ALDH9A1: variants seen among roughly 807,000 people sequenced by gnomAD.
ALDH9A1 encodes aldehyde dehydrogenase 9 family member A1.
A neutral mutation model predicts 56.6 loss-of-function variants in ALDH9A1; 42 were observed. The observed-to-expected ratio is 0.74, with a 90% CI of 0.58 to 0.96. The LOEUF (loss-of-function observed/expected upper bound fraction) is 0.96, where lower values mean the gene tolerates loss of function less well. Among genes scored for constraint, ALDH9A1 ranks in the 40% least tolerant of loss-of-function variants. The pLI is 0.00. For synonymous variants in ALDH9A1, 242 were observed against 236.0 expected (o/e 1.03, Z -0.23); for missense variants, 661 against 651.5 (o/e 1.01, Z -0.16).
chr1:165,678,955 G>T (rs1472116594), intron 6 of ALDH9A1, among the ~76,000 whole-genome samples: 1 of 152,148 alleles, frequency 6.6e-6, no homozygotes, highest in East Asian at 1.9e-4. Context: ...CATCATCCTT[G>T]ACTGGATCCT....
In ALDH9A1 at chr1:165,698,559, G is replaced by C. The variant is rs1360719807; in HGVS notation, c.-1C>G. Reference sequence around the variant, plus strand: ...CGGCCAGGCCTGCTCGGAGAAACATGAGTGGCGGACGCAGCTCCGCGGCAG... The same window carrying C: ...CGGCCAGGCCTGCTCGGAGAAACATCAGTGGCGGACGCAGCTCCGCGGCAG... On this transcript the variant is annotated 5_prime_UTR_variant, in exon 1 of 11. Transcript: ENST00000354775. 1.9e-6 allele frequency: 3 copies of C among 1,601,352 alleles called. No homozygotes were observed. Among genetic ancestry groups the C allele is most frequent in the Non-Finnish European group, 2.6e-6 (3 of 1,175,868 alleles).
chr1:165,668,033 G>C (rs1262594611), intron 8 of ALDH9A1, among the ~76,000 whole-genome samples: 1 of 152,132 alleles, frequency 6.6e-6, no homozygotes, highest in African/African-American at 2.4e-5. Context: ...GAAGTAGGAG[G>C]GAAGTAGATG....
intron 8 of ALDH9A1, among the ~76,000 whole-genome samples, chr1:165,668,304 T>C (rs2348728): frequency 0.42 from 63,946 of 151,942 alleles, 13,663 homozygotes; most frequent in Middle Eastern, 0.51. Context: ...TCATGAACGG[T>C]TTGATGTCCT....
At chr1:165,677,091 GGCCGGGCAC>G (rs1201615959) in intron 6 of ALDH9A1, among the ~76,000 whole-genome samples, 1 of 152,178 alleles carries the variant, frequency 6.6e-6, no homozygotes, top group Non-Finnish European at 1.5e-5. Context: ...ATAAAAAACA[GGCCGGGCAC>G]GGTGGCACAT....
Position 165,663,015 on chromosome 1 carries a change from A to G in ALDH9A1, c.*35T>C. 1 of 1,560,532 alleles carries G rather than the reference A, an allele frequency of 6.4e-7. No homozygotes were observed. The highest frequency in any genetic ancestry group is 8.8e-7 in the Non-Finnish European group (1 of 1,131,292). Reference sequence around the variant, plus strand: ...ACAGGGCCAATTCACATCATTCCACAGCGTGGCCATGTCAATAGGTTTCAC... The same window carrying G: ...ACAGGGCCAATTCACATCATTCCACGGCGTGGCCATGTCAATAGGTTTCAC... On this transcript the variant is annotated 3_prime_UTR_variant, in exon 11 of 11. Transcript: ENST00000354775.
At chr1:165,691,534 A>C (rs1164652508) in intron 2 of ALDH9A1, among the ~76,000 whole-genome samples, 1 of 152,246 alleles carries the variant, frequency 6.6e-6, no homozygotes, top group East Asian at 1.9e-4. Flanking sequence ...ACGGAGAATG[A>C]CTTAGACAAG....
intron 6 of ALDH9A1, among the ~76,000 whole-genome samples, chr1:165,677,070 G>A (rs2348730): frequency 0.73 from 110,559 of 152,142 alleles, 40,634 homozygotes; most frequent in East Asian, 0.99. Context: ...ATAAAAAAAA[G>A]TTTACAAAAA....
At chr1:165,676,455 A>G in intron 6 of ALDH9A1, 1 of 255,904 alleles carries the variant, frequency 3.9e-6, no homozygotes, top group Non-Finnish European at 7.5e-6. Context: ...GTACTATTCA[A>G]AAAGGAATGC....
At chr1:165,676,224 C>A (rs1354602141) in intron 6 of ALDH9A1, 2 of 154,176 alleles carry the variant, frequency 1.3e-5, no homozygotes, top group African/African-American at 4.8e-5. Flanking sequence ...ACACCTGGCA[C>A]TCAGATCTTG....
chr1:165,687,695 A>C (rs1649755263), intron 2 of ALDH9A1, among the ~76,000 whole-genome samples: 1 of 152,172 alleles, frequency 6.6e-6, no homozygotes, highest in South Asian at 2.1e-4. Flanking sequence ...CACTATAAGA[A>C]ATGCTAGCCT....
intron 3 of ALDH9A1, chr1:165,682,776 A>C: frequency 3.5e-6 from 2 of 569,186 alleles, no homozygotes; most frequent in Non-Finnish European, 5.9e-6. Context: ...TATCTCATTT[A>C]ATCCTTAACC....
chr1:165,687,013 A>G (rs1352202767), intron 2 of ALDH9A1, among the ~76,000 whole-genome samples: 3 of 152,196 alleles, frequency 2.0e-5, no homozygotes, highest in African/African-American at 7.2e-5. Flanking sequence ...CACATATATA[A>G]AAGACCCAAA....
chr1:165,698,270 T>C (rs1650160029), intron 1 of ALDH9A1, 108 bp downstream of exon 1: 1 of 1,464,244 alleles, frequency 6.8e-7, no homozygotes, highest in African/African-American at 1.4e-5. Context: ...CCACTGTCAC[T>C]GTCTTGTGCT....
chr1:165,697,568 G>A (rs1650129508), intron 1 of ALDH9A1, among the ~76,000 whole-genome samples: 1 of 152,176 alleles, frequency 6.6e-6, no homozygotes, highest in South Asian at 2.1e-4. Context: ...TTTAATATTA[G>A]AATGTGGAGA....
intron 2 of ALDH9A1, among the ~76,000 whole-genome samples, chr1:165,691,014 T>C (rs1013730623): frequency 6.6e-6 from 1 of 152,140 alleles, no homozygotes; most frequent in Non-Finnish European, 1.5e-5. Flanking sequence ...AGAGTAGTGG[T>C]TCTTCCAGCA....
chr1:165,681,901 G>C (rs897804523), intron 4 of ALDH9A1, among the ~76,000 whole-genome samples: 5 of 152,120 alleles, frequency 3.3e-5, no homozygotes, highest in Non-Finnish European at 7.4e-5. Context: ...ATCTAGACAT[G>C]ATTGTGTACA....
chr1:165,698,042 AAAAC>A (rs200531710), intron 1 of ALDH9A1, among the ~76,000 whole-genome samples: 2,195 of 152,182 alleles, frequency 0.014, 45 homozygotes, highest in African/African-American at 0.049. Context: ...AAACAAACAA[AAAAC>A]AAACAAACAA....
chr1:165,672,267 T>C (rs1649200630), intron 6 of ALDH9A1, among the ~76,000 whole-genome samples: 1 of 151,864 alleles, frequency 6.6e-6, no homozygotes, highest in Admixed American at 6.6e-5. Context: ...GTGTGTGCTG[T>C]GTGTGTGTGT....
chr1:165,681,957 G>A (rs1649564022), intron 4 of ALDH9A1, 150 bp downstream of exon 4: 2 of 1,043,604 alleles, frequency 1.9e-6, no homozygotes, highest in African/African-American at 3.2e-5. Context: ...GCAGGAACGA[G>A]CCATGTCCTC....
Sources: gnomAD v4.1 joint callset for allele counts (sites outside exome capture counted in the v4.1 genomes callset) on GRCh38, gnomAD v4.1.1 for gene constraint, MANE v1.5 for transcripts, NCBI Gene and HGNC (gene_info 2026-07-23, HGNC 2026-07-21) for gene names.